EPHA5: variants seen among roughly 807,000 people sequenced by gnomAD.
EPHA5 encodes ephrin type-A receptor 5.
In EPHA5, 60 loss-of-function variants were observed where a neutral mutation model predicts 105.0. The ratio of observed to expected loss-of-function variants is 0.57; its 90% CI spans 0.46 to 0.71. The LOEUF is 0.71. Among genes scored for constraint, EPHA5 ranks in the 30% least tolerant of loss-of-function variants. EPHA5 has a pLI of 0.00. For synonymous variants in EPHA5, 513 were observed against 449.1 expected, an observed-to-expected ratio of 1.14 and a Z score of -1.80; for missense variants, 1,218 against 1,274.7, an observed-to-expected ratio of 0.96 and a Z score of 0.68.
intron 3 of EPHA5, among the ~76,000 whole-genome samples, chr4:65,531,006 A>AT (rs143470462): frequency 4.8e-5 from 7 of 146,974 alleles, no homozygotes; most frequent in Admixed American, 6.7e-5. Flanking sequence ...ATTTTTTTTT[A>AT]TTTTTTTTAT....
Position 65,602,084 on chromosome 4 carries a change from A to C in EPHA5, c.467T>G (p.Phe156Cys). The C allele has an allele frequency of 6.2e-7, 1 of 1,614,120 alleles. No individual in the cohort carries two copies. Among genetic ancestry groups the C allele is most frequent in the East Asian group, 2.2e-5 (1 of 44,868 alleles). ...TCTCCCATTCTGATCATCTGACTCA[A>C]AGTAATACATATTAAAGGTTTCCTT... ...TCKETFNMYY[F>C]ESDDQNGRNI... The change falls in exon 3 of 17, where the codon TTT becomes TGT. Residue 156 changes from phenylalanine to cysteine, a missense_variant. Phe to Cys is a radical substitution (Grantham distance 205). This residue lies in a region of EPHA5 where 233 missense variants were observed against 227.5 expected (regional missense o/e 1.02). Transcript: ENST00000613740.
chr4:65,370,148 T>C (rs1718315470), intron 8 of EPHA5, among the ~76,000 whole-genome samples: 1 of 152,090 alleles, frequency 6.6e-6, no homozygotes, highest in Admixed American at 6.6e-5. Context: ...TTCATAACAC[T>C]TAGATACATA....
intron 5 of EPHA5, among the ~76,000 whole-genome samples, chr4:65,444,026 T>C (rs1441354213): frequency 6.6e-6 from 1 of 152,172 alleles, no homozygotes; most frequent in Non-Finnish European, 1.5e-5. Flanking sequence ...GAAACATCTA[T>C]TGCTAAGAAG....
At chr4:65,531,803 T>C (rs557030045) in intron 3 of EPHA5, among the ~76,000 whole-genome samples, 1 of 152,334 alleles carries the variant, frequency 6.6e-6, no homozygotes, top group African/African-American at 2.4e-5. Flanking sequence ...CATATCAGTC[T>C]TGTGCTTAGT....
intron 3 of EPHA5, among the ~76,000 whole-genome samples, chr4:65,507,452 T>C (rs1733156675): frequency 6.6e-6 from 1 of 152,220 alleles, no homozygotes; most frequent in Non-Finnish European, 1.5e-5. Context: ...ATAAATTACC[T>C]TGGGCAGTAT....
At chr4:65,362,455 G>A (rs1012336839) in intron 11 of EPHA5, among the ~76,000 whole-genome samples, 1 of 151,646 alleles carries the variant, frequency 6.6e-6, no homozygotes, top group African/African-American at 2.4e-5. Context: ...ATTTATAAAG[G>A]AGAAATATTG....
At chr4:65,541,448 A>G (rs935448173) in intron 3 of EPHA5, among the ~76,000 whole-genome samples, 1 of 151,992 alleles carries the variant, frequency 6.6e-6, no homozygotes, top group Non-Finnish European at 1.5e-5. Flanking sequence ...AGGGGCTGCA[A>G]TCCTAGTCTC....
intron 3 of EPHA5, among the ~76,000 whole-genome samples, chr4:65,595,676 G>A (rs1743103603): frequency 6.6e-6 from 1 of 151,512 alleles, no homozygotes; most frequent in Admixed American, 6.6e-5. Flanking sequence ...CACCTCCCGG[G>A]TTCACGCCAT....
chr4:65,514,688 G>A (rs1027049407), intron 3 of EPHA5, among the ~76,000 whole-genome samples: 5 of 152,106 alleles, frequency 3.3e-5, no homozygotes, highest in Non-Finnish European at 5.9e-5. Flanking sequence ...TTGTTATACA[G>A]CAATAATAAC....
intron 1 of EPHA5, among the ~76,000 whole-genome samples, chr4:65,651,485 G>T (rs913471291): frequency 6.6e-6 from 1 of 152,068 alleles, no homozygotes; most frequent in Non-Finnish European, 1.5e-5. Context: ...TCCAAAAATT[G>T]TATTCACAGA....
At chr4:65,439,498 A>T (rs1483169421) in intron 5 of EPHA5, among the ~76,000 whole-genome samples, 2 of 151,084 alleles carry the variant, frequency 1.3e-5, no homozygotes, top group Admixed American at 6.6e-5. Context: ...CACTCTTTAA[A>T]ACTCTTTATA....
At chr4:65,408,390 G>T (rs1387564149) in intron 7 of EPHA5, among the ~76,000 whole-genome samples, 1 of 152,010 alleles carries the variant, frequency 6.6e-6, no homozygotes, top group Admixed American at 6.6e-5. Flanking sequence ...AAAAACAGCT[G>T]GGAAATATCA....
chr4:65,461,463 G>T (rs186989714), intron 5 of EPHA5, among the ~76,000 whole-genome samples: 1 of 151,790 alleles, frequency 6.6e-6, no homozygotes, highest in Non-Finnish European at 1.5e-5. Context: ...ACATATTTTC[G>T]ATATACAAAT....
At chr4:65,476,404 C>A (rs1413727788) in intron 5 of EPHA5, among the ~76,000 whole-genome samples, 1 of 151,040 alleles carries the variant, frequency 6.6e-6, no homozygotes, top group Non-Finnish European at 1.5e-5. Flanking sequence ...TACACAGCCA[C>A]AAAAAAAACA....
At chr4:65,404,319 C>A in intron 8 of EPHA5, 55 bp downstream of exon 8, 1 of 1,471,556 alleles carries the variant, frequency 6.8e-7, no homozygotes, top group Non-Finnish European at 9.5e-7. Context: ...ATGGTCAGAT[C>A]AAGGTGAGGA....
At chr4:65,383,957 T>C (rs1320570791) in intron 8 of EPHA5, among the ~76,000 whole-genome samples, 1 of 146,364 alleles carries the variant, frequency 6.8e-6, no homozygotes, top group African/African-American at 2.8e-5. Flanking sequence ...AAAAATATAA[T>C]TTTTTTAAAA....
chr4:65,630,062 C>T (rs1746489261), intron 2 of EPHA5, among the ~76,000 whole-genome samples: 1 of 87,790 alleles, frequency 1.1e-5, no homozygotes, highest in Non-Finnish European at 2.5e-5. Context: ...TCTACACACA[C>T]ACACACTCTC....
chr4:65,356,477 T>A (rs1402932203), intron 11 of EPHA5, among the ~76,000 whole-genome samples: 1 of 151,512 alleles, frequency 6.6e-6, no homozygotes, highest in Non-Finnish European at 1.5e-5. Flanking sequence ...CTGAATAGTA[T>A]ATATTTGGGG....
chr4:65,651,596 T>C (rs1281117691), intron 1 of EPHA5, among the ~76,000 whole-genome samples: 1 of 152,222 alleles, frequency 6.6e-6, no homozygotes, highest in Admixed American at 6.5e-5. Context: ...CTTAATATTA[T>C]GCTTAATTGT....
Sources: gnomAD v4.1 joint callset for allele counts (sites outside exome capture counted in the v4.1 genomes callset) on GRCh38, gnomAD v4.1.1 for gene constraint, gnomAD v4.1.1 regional missense constraint, MANE v1.5 for transcripts, NCBI Gene and HGNC (gene_info 2026-07-23, HGNC 2026-07-21) for gene names.